HNRNPH1: variants seen among roughly 807,000 people sequenced by gnomAD.
HNRNPH1 encodes the protein heterogeneous nuclear ribonucleoprotein H.
A neutral mutation model predicts 58.6 loss-of-function variants in HNRNPH1; 4 were observed. The observed-to-expected ratio is 0.07, with a 90% CI of 0.03 to 0.16. The LOEUF (loss-of-function observed/expected upper bound fraction) is 0.16, where lower values mean the gene tolerates loss of function less well. HNRNPH1 is among the 10% of genes least tolerant of loss of function. The pLI is 1.00. For missense variants in HNRNPH1, 271 were observed against 564.2 expected, an observed-to-expected ratio of 0.48 and a Z score of 5.26; for synonymous variants, 192 against 189.2, an observed-to-expected ratio of 1.01 and a Z score of -0.12.
At chr5:179,623,378 GAGCC>G (rs146394645) in exon 1 of HNRNPH1, 63 of 330,278 alleles carry the variant, frequency 1.9e-4, no homozygotes, top group Non-Finnish European at 3.3e-4. Flanking sequence ...CCCGGGCCGA[GAGCC>G]AGCGTAGAGG....
At chr5:179,618,103 A>G (rs1438521344) in intron 5 of HNRNPH1, 42 bp downstream of exon 6, 1 of 1,613,404 alleles carries the variant, frequency 6.2e-7, no homozygotes, top group African/African-American at 1.3e-5. Context: ...CACCTAGACA[A>G]AGGAACAGAC....
At chr5:179,623,647 A>T (rs996176336) in exon 1 of HNRNPH1, 3 of 153,112 alleles carry the variant, frequency 2.0e-5, no homozygotes, top group Admixed American at 6.5e-5. Context: ...TAGACACGCG[A>T]CTTCTGCGTG....
At chr5:179,621,571 A>C in intron 1 of HNRNPH1, 174 bp from the exon 3 acceptor site, 1 of 599,034 alleles carries the variant, frequency 1.7e-6, no homozygotes. Context: ...AAACAAACTC[A>C]TTCCTAAGGT....
intron 8 of HNRNPH1, 113 bp downstream of exon 9, chr5:179,617,401 A>T (rs1389029961): frequency 8.0e-7 from 1 of 1,243,228 alleles, no homozygotes; most frequent in Non-Finnish European, 1.1e-6. Context: ...CCAAGAATTA[A>T]TCTATTACTG....
At chr5:179,626,468 A>C (rs1228938171), upstream of HNRNPH1, among the ~76,000 whole-genome samples, 4 of 150,426 alleles carry the variant, frequency 2.7e-5, no homozygotes, top group African/African-American at 9.7e-5. Context: ...CTGTAATCCC[A>C]GCACTTTGGG....
At chr5:179,617,064 G>A (rs1477844810) in exon 9 of HNRNPH1, 7 of 1,613,984 alleles carry the variant, frequency 4.3e-6, no homozygotes, top group East Asian at 2.2e-5. Context: ...AAGCACCACC[G>A]CTTGCTCCTG....
At chr5:179,619,601 C>G (rs1431386941) in intron 3 of HNRNPH1, 194 bp from the exon 5 acceptor site, 2 of 500,900 alleles carry the variant, frequency 4.0e-6, no homozygotes, top group Non-Finnish European at 7.1e-6. Flanking sequence ...CTATTCTTAA[C>G]ACACCCATGG....
In HNRNPH1 at chr5:179,616,061, CT is replaced by C. The variant is rs1044914679; in HGVS notation, c.1300+64del. 66 of 1,363,158 alleles carry C rather than the reference CT, an allele frequency of 4.8e-5. No individual in the cohort carries two copies. In the African/African-American group the frequency reaches 6.5e-4, roughly 13 times the overall value. 84.4% of individuals were successfully genotyped at this position (1,363,158 alleles called of 1,614,324 possible). On this transcript the variant is annotated intron_variant, in intron 11 of 12. Coordinates refer to ENST00000356731, the Ensembl canonical transcript of HNRNPH1. The stretch of plus-strand genomic sequence containing the variant: ...GTAACAGGCTTTACCATAACTTACT[CT>C]AAGTACAGTAATGAACAGGCTTTAC...
exon 5 of HNRNPH1, chr5:179,618,308 A>G (rs1280574138): frequency 6.8e-6 from 11 of 1,610,304 alleles, no homozygotes; most frequent in Non-Finnish European, 9.3e-6. Context: ...TACTGCTCTT[A>G]AAGATTTCAA....
chr5:179,621,181 G>C, intron 2 of HNRNPH1, 61 bp downstream of exon 3: 1 of 1,538,266 alleles, frequency 6.5e-7, no homozygotes, highest in Non-Finnish European at 9.0e-7. Context: ...AAATTCAGAA[G>C]GGGTGAGACC....
intron 2 of HNRNPH1, among the ~76,000 whole-genome samples, chr5:179,632,224 C>T (rs572258315): frequency 1.3e-5 from 2 of 151,746 alleles, no homozygotes; most frequent in South Asian, 2.1e-4. Context: ...AGGAGAATGG[C>T]GTGAACCCGG....
At chr5:179,626,716 TAAAAAAAAA>T, upstream of HNRNPH1, among the ~76,000 whole-genome samples, 1 of 135,668 alleles carries the variant, frequency 7.4e-6, no homozygotes. Flanking sequence ...ACTCTGTCTT[TAAAAAAAAA>T]AAAAAAAATT....
chr5:179,620,688 G>A (rs1364111203), intron 3 of HNRNPH1: 15 of 562,678 alleles, frequency 2.7e-5, no homozygotes, highest in South Asian at 2.5e-4. Context: ...ACTAAATATA[G>A]GCAAAGTTAA....
upstream of HNRNPH1, among the ~76,000 whole-genome samples, chr5:179,626,551 A>C (rs1774416048): frequency 6.6e-6 from 1 of 151,208 alleles, no homozygotes; most frequent in Non-Finnish European, 1.5e-5. Context: ...CCCCGTCTCT[A>C]CTAAAAATAC....
rs565162962 is a variant in HNRNPH1 at position 179,615,745 on chromosome 5, CCT to C, written c.1301-152_1301-151del. The stretch of plus-strand genomic sequence containing the variant: ...CACCATTCTACTATTTCAAATTCTC[CCT>C]CTGTCTAAAACTGACTTAATGCTAA... On this transcript the variant is annotated intron_variant, in intron 11 of 12. Coordinates refer to ENST00000356731, the Ensembl canonical transcript of HNRNPH1. The C allele has an allele frequency of 3.7e-4, 201 of 539,866 alleles. 3 individuals carry two copies. The South Asian group carries it at 5.4e-3, about 15-fold the overall frequency. The allele number at this position is 539,866 out of a possible 1,614,324, so 33.4% of individuals were successfully genotyped here.
At chr5:179,616,090 T>C in intron 11 of HNRNPH1, 36 bp downstream of exon 12, 1 of 1,520,216 alleles carries the variant, frequency 6.6e-7, no homozygotes, top group Admixed American at 1.7e-5. Flanking sequence ...GGCTTTACCA[T>C]AACTTACTCT....
chr5:179,630,139 G>A (rs548765846), intron 2 of HNRNPH1, among the ~76,000 whole-genome samples: 6 of 151,990 alleles, frequency 3.9e-5, no homozygotes, highest in South Asian at 2.1e-4. Flanking sequence ...ACCTGAGGTC[G>A]GGAGTTCAAG....
At chr5:179,624,113 G>T (rs142679885) in exon 1 of HNRNPH1, 3 of 166,060 alleles carry the variant, frequency 1.8e-5, no homozygotes, top group African/African-American at 2.4e-5. Flanking sequence ...GCTCCTGGCC[G>T]ACCTGAAAGG....
intron 1 of HNRNPH1, among the ~76,000 whole-genome samples, chr5:179,622,603 C>T (rs553722846): frequency 2.6e-5 from 4 of 152,186 alleles, no homozygotes; most frequent in Admixed American, 2.6e-4. Flanking sequence ...CCCAGACACT[C>T]GGGAGACTGA....
Sources: allele counts gnomAD v4.1 joint callset (sites outside exome capture counted in the v4.1 genomes callset), GRCh38; gene constraint gnomAD v4.1.1; transcripts MANE v1.5; gene names NCBI Gene and HGNC (gene_info 2026-07-23, HGNC 2026-07-21).